The following TMEM178B variants were observed in gnomAD, a reference collection of about 807,000 sequenced individuals.
TMEM178B encodes transmembrane protein 178B.
TMEM178B carries 5 observed loss-of-function variants against 31.0 expected under a neutral mutation model. The observed-to-expected ratio is 0.16, with a 90% CI of 0.08 to 0.34. The LOEUF is 0.34. Among genes scored for constraint, TMEM178B ranks in the 10% least tolerant of loss-of-function variants. The probability of loss-of-function intolerance (pLI) is 1.00; values close to 1 mark genes in which losing one functional copy is unlikely to be tolerated. For missense variants in TMEM178B, 275 were observed against 400.3 expected, an observed-to-expected ratio of 0.69 and a Z score of 2.67; for synonymous variants, 164 against 164.0, an observed-to-expected ratio of 1.00 and a Z score of 0.00.
At position 141,368,619 on chromosome 7, in the gene TMEM178B, G is replaced by A. The variant is rs115017121; in HGVS notation, c.497-68989G>A. Among the ~76,000 whole-genome samples the A allele has an allele frequency of 3.6e-3, 549 of 152,266 alleles. 1 individual carries two copies. Among genetic ancestry groups the A allele is most frequent in the African/African-American group, 0.011 (473 of 41,546 alleles). ...GGGGCTTCTTATCCATGCTCAGTGT[G>A]TACATTTCTTTTGTGTTGATTTTTC... On this transcript the variant is annotated intron_variant, in intron 2 of 3. Transcript: ENST00000565468.
At chr7:141,097,152 T>C (rs1196027254) in intron 1 of TMEM178B, among the ~76,000 whole-genome samples, 1 of 151,994 alleles carries the variant, frequency 6.6e-6, no homozygotes, top group African/African-American at 2.4e-5. Flanking sequence ...TTACAGTAGC[T>C]AGTATTCCAT....
intron 1 of TMEM178B, among the ~76,000 whole-genome samples, chr7:141,155,241 A>C (rs1212940219): frequency 6.6e-6 from 1 of 152,218 alleles, no homozygotes; most frequent in East Asian, 1.9e-4. Flanking sequence ...TGTAGAGATC[A>C]CATTAGGCAC....
At chr7:141,345,909 T>C (rs1376058535) in intron 2 of TMEM178B, among the ~76,000 whole-genome samples, 2 of 152,192 alleles carry the variant, frequency 1.3e-5, no homozygotes, top group East Asian at 1.9e-4. Flanking sequence ...AAGGGACTTA[T>C]AAAACCTTAT....
intron 2 of TMEM178B, among the ~76,000 whole-genome samples, chr7:141,286,782 A>G (rs1253150237): frequency 5.3e-5 from 8 of 152,218 alleles, no homozygotes; most frequent in Middle Eastern, 3.2e-3. Context: ...TGGCTTGTCT[A>G]TAATTAATCT....
At chr7:141,170,892 G>T (rs1796337915) in intron 1 of TMEM178B, among the ~76,000 whole-genome samples, 1 of 152,100 alleles carries the variant, frequency 6.6e-6, no homozygotes, top group South Asian at 2.1e-4. Context: ...ACGCCAAACT[G>T]CAAGGCACAG....
chr7:141,299,650 C>T (rs1441269461), intron 2 of TMEM178B, among the ~76,000 whole-genome samples: 2 of 152,178 alleles, frequency 1.3e-5, no homozygotes. Context: ...TGGTTCTCTG[C>T]AGAATTTCTA....
chr7:141,295,611 G>A (rs1254789222), intron 2 of TMEM178B, among the ~76,000 whole-genome samples: 1 of 152,220 alleles, frequency 6.6e-6, no homozygotes, highest in Non-Finnish European at 1.5e-5. Context: ...TTGAGCTGTG[G>A]TTGGTAAGTG....
intron 1 of TMEM178B, among the ~76,000 whole-genome samples, chr7:141,104,918 G>C (rs763157761): frequency 2.0e-5 from 3 of 152,144 alleles, no homozygotes; most frequent in Non-Finnish European, 4.4e-5. Flanking sequence ...TGGGGGTAGG[G>C]GTTCAACATG....
At chr7:141,188,241 A>G (rs1796643489) in intron 1 of TMEM178B, among the ~76,000 whole-genome samples, 1 of 152,176 alleles carries the variant, frequency 6.6e-6, no homozygotes, top group African/African-American at 2.4e-5. Context: ...GATCATCACA[A>G]CCACCCCTTG....
chr7:141,299,535 C>T (rs532641136), intron 2 of TMEM178B, among the ~76,000 whole-genome samples: 5 of 152,282 alleles, frequency 3.3e-5, no homozygotes, highest in Non-Finnish European at 1.5e-5. Context: ...CCTCCCTTGG[C>T]CAGGCCTGCC....
At chr7:141,452,690 G>A (rs1181774) in intron 3 of TMEM178B, among the ~76,000 whole-genome samples, 110,221 of 152,038 alleles carry the variant, frequency 0.72, 40,576 homozygotes, top group South Asian at 0.84. Flanking sequence ...ACATAGTGCT[G>A]CTTACCCTGT....
chr7:141,108,324 T>C (rs1795178811), intron 1 of TMEM178B, among the ~76,000 whole-genome samples: 1 of 152,086 alleles, frequency 6.6e-6, no homozygotes, highest in Admixed American at 6.6e-5. Flanking sequence ...TTTGCTGATA[T>C]GGGAGAGAGG....
At chr7:141,197,157 A>G (rs1796796216) in intron 1 of TMEM178B, among the ~76,000 whole-genome samples, 1 of 152,252 alleles carries the variant, frequency 6.6e-6, no homozygotes, top group Non-Finnish European at 1.5e-5. Flanking sequence ...TGGATTGCTT[A>G]TGACATACCA....
At chr7:141,434,524 T>G (rs1202467582) in intron 2 of TMEM178B, among the ~76,000 whole-genome samples, 1 of 152,232 alleles carries the variant, frequency 6.6e-6, no homozygotes, top group African/African-American at 2.4e-5. Context: ...TGTACATTTT[T>G]GGGATACGTG....
At chr7:141,421,495 G>C (rs1801209055) in intron 2 of TMEM178B, among the ~76,000 whole-genome samples, 1 of 152,116 alleles carries the variant, frequency 6.6e-6, no homozygotes, top group Non-Finnish European at 1.5e-5. Context: ...ATGACTCTAG[G>C]AGACCACAGA....
rs143232432 is a variant in TMEM178B, at chr7:141,263,891, G to A, written c.496+51187G>A. ...CCAAAAGTGTTTATTACATGGTACA[G>A]TTTATTACAGTTGAATAATACAGAT... On this transcript the variant is annotated intron_variant, in intron 2 of 3. Transcript: ENST00000565468. Among the ~76,000 whole-genome samples, 79 of 152,342 alleles carry A rather than the reference G, an allele frequency of 5.2e-4. 1 individual carries two copies. In the East Asian group the frequency reaches 0.014, roughly 26 times the overall value.
At chr7:141,132,868 T>C (rs555454275) in intron 1 of TMEM178B, among the ~76,000 whole-genome samples, 1 of 152,308 alleles carries the variant, frequency 6.6e-6, no homozygotes, top group East Asian at 1.9e-4. Context: ...CCACCACTGG[T>C]GTCTGATGAC....
intron 2 of TMEM178B, among the ~76,000 whole-genome samples, chr7:141,283,896 G>A (rs1798402912): frequency 2.6e-5 from 4 of 152,234 alleles, no homozygotes; most frequent in Admixed American, 6.5e-5. Context: ...TGAGCTGAGA[G>A]GGACCTGGCA....
At position 141,438,698 on chromosome 7, in the gene TMEM178B, A is replaced by T. The variant is rs1014190501; in HGVS notation, c.634+953A>T. Among the ~76,000 whole-genome samples the T allele has an allele frequency of 1.7e-3, 170 of 100,876 alleles. 3 individuals carry two copies. The highest frequency in any genetic ancestry group is 8.1e-3 in the African/African-American group (155 of 19,254). The allele number at this position is 100,876 out of a possible 152,430, so 66.2% of individuals were successfully genotyped here. A position where few individuals can be genotyped will look rare whatever the true frequency, so the allele number is the denominator to read the frequency against. ...GCTTGGTAAAACCCCGTCTCTACTA[A>T]AAAAAAAAAAAAAAAAAAAAAAAAA... On this transcript the variant is annotated intron_variant, in intron 3 of 3. Coordinates refer to ENST00000565468, the MANE Select transcript of TMEM178B (RefSeq NM_001195278.2).
Sources: allele counts gnomAD v4.1 joint callset (sites outside exome capture counted in the v4.1 genomes callset), GRCh38; gene constraint gnomAD v4.1.1; transcripts MANE v1.5; gene names NCBI Gene and HGNC (gene_info 2026-07-23, HGNC 2026-07-21).